The following KCNT1 variants were observed in gnomAD, a reference collection of about 807,000 sequenced individuals.
The protein encoded by KCNT1 is potassium sodium-activated channel subfamily T member 1.
In KCNT1, 78 loss-of-function variants were observed where a neutral mutation model predicts 147.8. The observed-to-expected ratio is 0.53, with a 90% confidence interval of 0.44 to 0.64. The LOEUF (loss-of-function observed/expected upper bound fraction) is 0.64. KCNT1 is among the 30% of genes least tolerant of loss of function. KCNT1 has a pLI of 0.00. For synonymous variants in KCNT1, 867 were observed against 748.8 expected, an observed-to-expected ratio of 1.16 and a Z score of -2.58; for missense variants, 1,419 against 1,750.3, an observed-to-expected ratio of 0.81 and a Z score of 3.38.
intron 2 of KCNT1, among the ~76,000 whole-genome samples, chr9:135,718,740 G>T (rs1032586693): frequency 2.6e-5 from 4 of 152,208 alleles, no homozygotes; most frequent in African/African-American, 9.6e-5. Context: ...CCAACCCCTG[G>T]CAGGCTGTGA....
chr9:135,717,164 G>C (rs1835753180), intron 2 of KCNT1, among the ~76,000 whole-genome samples: 1 of 151,016 alleles, frequency 6.6e-6, no homozygotes, highest in African/African-American at 2.4e-5. Flanking sequence ...GAGGGGACCT[G>C]GCCCTGTGGT....
At position 135,724,524 on chromosome 9, in the gene KCNT1, A is replaced by G. The variant is rs1160415063; in HGVS notation, c.254+9804A>G. 2.0e-5 allele frequency among the ~76,000 whole-genome samples: 3 copies of G among 152,346 alleles called. No homozygotes were observed. The East Asian group carries it at 5.8e-4, about 29-fold the overall frequency. Reference sequence around the variant, plus strand: ...CCTTCCTCCACGTATGCAGGCATTCATTCATTCAGTCATGCAACAGAGGTC... The same window carrying G: ...CCTTCCTCCACGTATGCAGGCATTCGTTCATTCAGTCATGCAACAGAGGTC... On this transcript the variant is annotated intron_variant, in intron 2 of 30. Coordinates refer to ENST00000371757, the MANE Select transcript of KCNT1 (RefSeq NM_020822.3).
rs1289499859 is a variant in KCNT1, at chr9:135,716,738, C to G, written c.254+2018C>G. On this transcript the variant is annotated intron_variant, in intron 2 of 30. Coordinates refer to ENST00000371757, the MANE Select transcript of KCNT1 (RefSeq NM_020822.3). ...GGACGTGTGTGGCTGTGTGTGCTAG[C>G]TAGTGCGTGGCTGTGGGTCCTCTCC... Among the ~76,000 whole-genome samples the G allele has an allele frequency of 3.9e-5, 6 of 152,228 alleles. No individual in the cohort carries two copies. The East Asian group carries it at 9.7e-4, about 25-fold the overall frequency.
chr9:135,734,962 A>G (rs1830274890), intron 2 of KCNT1, among the ~76,000 whole-genome samples: 1 of 152,146 alleles, frequency 6.6e-6, no homozygotes, highest in Admixed American at 6.5e-5. Flanking sequence ...GTTTACTCAC[A>G]GCACAGCATG....
chr9:135,761,026 GA>G (rs1409708113), intron 11 of KCNT1, among the ~76,000 whole-genome samples: 5 of 134,854 alleles, frequency 3.7e-5, no homozygotes, highest in African/African-American at 1.4e-4. Context: ...GGATGGTCTT[GA>G]TTTTTTTTTT....
Position 135,714,601 on chromosome 9 carries a change from G to A in KCNT1, c.135G>A (p.Ala45=), listed in dbSNP as rs769898346. ...GGCGGCCCTGCGCGGGGGACGGCGC[G>A]CTCCTGGACACCGCCGGCTTCAAGA... ...APRRPCAGDG[A]LLDTAGFKMS... Residue 45 remains alanine (A), a synonymous_variant, in exon 2 of 31, where the codon GCG becomes GCA. Coordinates refer to ENST00000371757, the MANE Select transcript of KCNT1 (RefSeq NM_020822.3). The surrounding 1 kb of genome is among the most constrained non-coding windows in gnomAD (Gnocchi z 6.2). The A allele has an allele frequency of 5.0e-6, 7 of 1,411,210 alleles. No individual in the cohort carries two copies. Among genetic ancestry groups the A allele is most frequent in the Non-Finnish European group, 6.6e-6 (7 of 1,066,956 alleles). The allele number at this position is 1,411,210 out of a possible 1,614,324, so 87.4% of individuals were successfully genotyped here.
At chr9:135,726,957 CTCCCTCTCCCTCTCTTTCCCA>C (rs1193380241) in intron 2 of KCNT1, among the ~76,000 whole-genome samples, 8 of 9,732 alleles carry the variant, frequency 8.2e-4, no homozygotes, top group African/African-American at 1.0e-3. Flanking sequence ...CTTTCCCATT[CTCCCTCTCCCTCTCTTTCCCA>C]TTCTCTCTCT....
chr9:135,731,952 A>C (rs577435388), intron 2 of KCNT1, among the ~76,000 whole-genome samples: 8 of 108,398 alleles, frequency 7.4e-5, no homozygotes, highest in African/African-American at 2.7e-4. Flanking sequence ...TACTTTTCAA[A>C]TATGCGTGTA....
chr9:135,766,894 A>G (rs1454256561), intron 13 of KCNT1: 1 of 152,198 alleles, frequency 6.6e-6, no homozygotes, highest in Non-Finnish European at 1.5e-5. Flanking sequence ...GGCTCAAAAT[A>G]GAACAGGGGC....
Position 135,788,275 on chromosome 9 carries a change from G to C in KCNT1, c.3502+1754G>C, listed in dbSNP as rs531819975. 6.7e-6 allele frequency: 6 copies of C among 895,014 alleles called. No individual in the cohort carries two copies. The African/African-American group carries it at 9.8e-5, about 15-fold the overall frequency. The allele number at this position is 895,014 out of a possible 1,614,324, so 55.4% of individuals were successfully genotyped here. A position where few individuals can be genotyped will look rare whatever the true frequency, so the allele number is the denominator to read the frequency against. On this transcript the variant is annotated intron_variant, in intron 29 of 30. Coordinates refer to ENST00000371757, the MANE Select transcript of KCNT1 (RefSeq NM_020822.3). ...AGGCAGGTGGACAGGAGCTGTGAGAGCACGTCCCAGGTGTCAGCCCAGGCG... is the reference window on the plus strand; with the variant it reads ...AGGCAGGTGGACAGGAGCTGTGAGACCACGTCCCAGGTGTCAGCCCAGGCG...
intron 1 of KCNT1, among the ~76,000 whole-genome samples, chr9:135,705,413 C>T (rs1402997290): frequency 6.6e-6 from 1 of 152,230 alleles, no homozygotes; most frequent in African/African-American, 2.4e-5. Context: ...AAAACAAGTG[C>T]TGTGTGTGCA....
Position 135,786,559 on chromosome 9 carries a change from G to A in KCNT1, c.3502+38G>A, listed in dbSNP as rs1042767406. On this transcript the variant is annotated intron_variant, in intron 29 of 30. Coordinates refer to ENST00000371757, the MANE Select transcript of KCNT1 (RefSeq NM_020822.3). ...GGCGCGGGTGGGGGCCGGACGGACGGACTGGGCCAGGGTCGGGCCACAGCC... is the reference window on the plus strand; with the variant it reads ...GGCGCGGGTGGGGGCCGGACGGACGAACTGGGCCAGGGTCGGGCCACAGCC... The A allele has an allele frequency of 3.9e-6, 6 of 1,522,690 alleles. No individual in the cohort carries two copies. In the African/African-American group the frequency reaches 8.6e-5, roughly 22 times the overall value. 94.3% of individuals were successfully genotyped at this position (1,522,690 alleles called of 1,614,324 possible).
chr9:135,761,187 T>C (rs1273176175), intron 11 of KCNT1, among the ~76,000 whole-genome samples: 1 of 152,220 alleles, frequency 6.6e-6, no homozygotes, highest in Non-Finnish European at 1.5e-5. Context: ...TTATGGTTTC[T>C]GTTTTCCTGT....
rs1017443826 is a variant in KCNT1 at position 135,778,625 on chromosome 9, C to T, written c.2595-63C>T. 4.6e-5 allele frequency: 74 copies of T among 1,607,512 alleles called. No individual in the cohort carries two copies. In the East Asian group the frequency reaches 5.1e-4, roughly 11 times the overall value. ...GTCCTCCTGCCTTCTGACCAAATCCCGGGGTCCTGTGGGTGGGGAGTGGGC... is the reference window on the plus strand; with the variant it reads ...GTCCTCCTGCCTTCTGACCAAATCCTGGGGTCCTGTGGGTGGGGAGTGGGC... On this transcript the variant is annotated intron_variant, in intron 22 of 30. Coordinates refer to ENST00000371757, the MANE Select transcript of KCNT1 (RefSeq NM_020822.3).
intron 2 of KCNT1, among the ~76,000 whole-genome samples, chr9:135,726,914 T>C: frequency 8.1e-6 from 1 of 122,956 alleles, no homozygotes; most frequent in Non-Finnish European, 1.7e-5. Flanking sequence ...ATTCTCTCTC[T>C]CTCCCTCTCT....
Position 135,752,571 on chromosome 9 carries a change from G to A in KCNT1, c.435-1366G>A. ...CCCCTAGCACAGCGTCCAGGACATGGATGGGGGTGGGAAGATGGGTGGATG... is the reference window on the plus strand; with the variant it reads ...CCCCTAGCACAGCGTCCAGGACATGAATGGGGGTGGGAAGATGGGTGGATG... On this transcript the variant is annotated intron_variant, in intron 4 of 30. Coordinates refer to ENST00000371757, the MANE Select transcript of KCNT1 (RefSeq NM_020822.3). The surrounding 1 kb of genome is among the most constrained non-coding windows in gnomAD (Gnocchi z 5.1). 2.7e-6 allele frequency: 1 copy of A among 372,958 alleles called. No homozygotes were observed. Among genetic ancestry groups the A allele is most frequent in the Non-Finnish European group, 5.3e-6 (1 of 187,502 alleles). 23.1% of individuals were successfully genotyped at this position (372,958 alleles called of 1,614,324 possible). A position where few individuals can be genotyped will look rare whatever the true frequency, so the allele number is the denominator to read the frequency against.
intron 18 of KCNT1, among the ~76,000 whole-genome samples, chr9:135,771,953 G>C (rs1832790008): frequency 6.6e-6 from 1 of 152,166 alleles, no homozygotes; most frequent in Admixed American, 6.5e-5. Flanking sequence ...GGTGGCTGCT[G>C]GGGCACCAGG....
Position 135,750,992 on chromosome 9 carries a change from C to A in KCNT1, c.385C>A (p.Leu129Ile), listed in dbSNP as rs1402206752. The part of the protein sequence containing the change: ...NFSLKLLTCL[L>I]YIVRVLLDDP... ...CTCCCTGAAGCTGCTCACCTGCCTG[C>A]TCTACATTGTGCGCGTCCTGCTCGA... Residue 129 changes from leucine (L) to isoleucine (I), a missense_variant, in exon 4 of 31, where the codon CTC (leucine) becomes ATC (isoleucine). Around this residue, in one of 5 missense-constraint regions of KCNT1, gnomAD observed 401 missense variants for 610.6 expected, o/e 0.66. Transcript: ENST00000371757. 1.2e-6 allele frequency: 2 copies of A among 1,613,234 alleles called. No individual in the cohort carries two copies. The highest frequency in any genetic ancestry group is 1.7e-6 in the Non-Finnish European group (2 of 1,179,864).
intron 2 of KCNT1, among the ~76,000 whole-genome samples, chr9:135,749,262 G>A (rs1831012788): frequency 6.6e-6 from 1 of 152,190 alleles, no homozygotes; most frequent in Non-Finnish European, 1.5e-5. Context: ...GGCCAGCCTG[G>A]GTCATGCAGG....
Sources: allele counts gnomAD v4.1 joint callset (sites outside exome capture counted in the v4.1 genomes callset), GRCh38; gene constraint gnomAD v4.1.1; regional missense constraint gnomAD v4.1.1; non-coding constraint Gnocchi (gnomAD v3.1); transcripts MANE v1.5; gene names NCBI Gene and HGNC (gene_info 2026-07-23, HGNC 2026-07-21).